Variants in CELF2 observed in about 807,000 individuals in gnomAD.
CELF2 encodes the protein CUG triplet repeat RNA-binding protein 2.
In CELF2, 8 loss-of-function variants were observed where a neutral mutation model predicts 62.6. The observed-to-expected ratio is 0.13, with a 90% CI of 0.07 to 0.23. CELF2 has a LOEUF of 0.23. Among genes scored for constraint, CELF2 ranks in the 10% least tolerant of loss-of-function variants. The pLI is 1.00. For synonymous variants in CELF2, 258 were observed against 250.0 expected (o/e 1.03, Z -0.30); for missense variants, 333 against 671.0 (o/e 0.50, Z 5.56).
intron 2 of CELF2, among the ~76,000 whole-genome samples, chr10:10,939,786 C>A (rs1033231824): frequency 6.6e-6 from 1 of 151,870 alleles, no homozygotes; most frequent in Non-Finnish European, 1.5e-5. Context: ...AACCCCATCT[C>A]TACTAAAAAT....
At chr10:10,602,358 G>A in the CELF2 span, among the ~76,000 whole-genome samples, 1 of 151,968 alleles carries the variant, frequency 6.6e-6, no homozygotes, top group Admixed American at 6.6e-5. Flanking sequence ...ACAAGTCTGG[G>A]GTCCTGACAT....
chr10:10,972,303 A>G lies in CELF2; in HGVS notation c.89+52304A>G, dbSNP rs1260404775. Among the ~76,000 whole-genome samples, 1 of 152,246 alleles carries G rather than the reference A, an allele frequency of 6.6e-6. No individual in the cohort carries two copies. Among genetic ancestry groups the G allele is most frequent in the East Asian group, 1.9e-4 (1 of 5,202 alleles). On this transcript the variant is annotated intron_variant, in intron 2 of 13. Coordinates refer to the CELF2 transcript ENST00000636488. The surrounding 1 kb of genome is among the most constrained non-coding windows in gnomAD (Gnocchi z 4.4). ...TGGTTAAATGATTTTAGGAAGCTCT[A>G]CATATCATCATCCCCTGTAAAAATT...
chr10:10,564,641 T>TACACAC, the CELF2 span, among the ~76,000 whole-genome samples: 131 of 136,242 alleles, frequency 9.6e-4, no homozygotes, highest in Middle Eastern at 7.1e-3. Flanking sequence ...GTTAACTGAA[T>TACACAC]ACACACACAC....
intron 1 of CELF2, among the ~76,000 whole-genome samples, chr10:11,133,084 T>G (rs1178235954): frequency 1.3e-5 from 2 of 152,200 alleles, no homozygotes; most frequent in Admixed American, 6.5e-5. Context: ...ACAGCTGTAG[T>G]ACATGTGTCC....
rs1424574371 is a variant in CELF2 at position 11,260,255 on chromosome 10, G to A, written c.538+2383G>A. ...TACCCTCTGCATGTGTTAGCGGAGA[G>A]ACCCCGGGCGGGCAGTATGTGTGCT... is the stretch of plus-strand genomic sequence containing the variant. On this transcript the variant is annotated intron_variant, in intron 5 of 12. Coordinates refer to ENST00000633077, the MANE Select transcript of CELF2 (RefSeq NM_001326342.2). This position sits in a 1 kb window ranked among gnomAD's most constrained non-coding sequence, Gnocchi z 4.2. 1.3e-5 allele frequency among the ~76,000 whole-genome samples: 2 copies of A among 152,196 alleles called. No homozygotes were observed. Among genetic ancestry groups the A allele is most frequent in the African/African-American group, 4.8e-5 (2 of 41,450 alleles).
intron 2 of CELF2, among the ~76,000 whole-genome samples, chr10:11,183,544 T>G (rs1258478078): frequency 6.6e-6 from 1 of 152,214 alleles, no homozygotes; most frequent in Non-Finnish European, 1.5e-5. Flanking sequence ...GATTGTACCA[T>G]TTTACATTCC....
At position 11,039,170 on chromosome 10, in the gene CELF2, G is replaced by A. The variant is rs554718032; in HGVS notation, c.74+21007G>A. Among the ~76,000 whole-genome samples, 50 of 152,194 alleles carry A rather than the reference G, an allele frequency of 3.3e-4. 1 individual carries two copies. Among genetic ancestry groups the A allele is most frequent in the Non-Finnish European group, 6.3e-4 (43 of 68,028 alleles). Reference sequence around the variant, plus strand: ...ATTAGCGTGGAGGACACTGAGAGCAGAAACCGTGATGCAGTGAGCCTTCTG... The same window carrying A: ...ATTAGCGTGGAGGACACTGAGAGCAAAAACCGTGATGCAGTGAGCCTTCTG... On this transcript the variant is annotated intron_variant, in intron 1 of 12. Transcript: ENST00000633077. The surrounding 1 kb of genome is among the most constrained non-coding windows in gnomAD (Gnocchi z 4.1).
At chr10:11,108,385 G>A (rs1221484636) in intron 1 of CELF2, among the ~76,000 whole-genome samples, 1 of 150,682 alleles carries the variant, frequency 6.6e-6, no homozygotes, top group Admixed American at 6.6e-5. Context: ...ACTGTCTTCA[G>A]AACTGCCTGT....
At chr10:11,230,041 A>G (rs138235452) in intron 3 of CELF2, among the ~76,000 whole-genome samples, 3 of 152,202 alleles carry the variant, frequency 2.0e-5, no homozygotes, top group Non-Finnish European at 4.4e-5. Flanking sequence ...ACAGGCACTG[A>G]CTCTGACCTG....
At position 11,010,403 on chromosome 10, in the gene CELF2, C is replaced by T. The variant is rs1353464830; in HGVS notation, c.53+4963C>T. 1.3e-5 allele frequency among the ~76,000 whole-genome samples: 2 copies of T among 152,194 alleles called. No individual in the cohort carries two copies. Among genetic ancestry groups the T allele is most frequent in the East Asian group, 3.9e-4 (2 of 5,194 alleles). On this transcript the variant is annotated intron_variant, in intron 1 of 12. Transcript: ENST00000416382. This position sits in a 1 kb window ranked among gnomAD's most constrained non-coding sequence, Gnocchi z 4.1. ...AATCGAATCAGTACTGGCCTTCTCT[C>T]TTCCTTTCCAACTGCCCGTTGTAGG...
At chr10:10,855,016 A>G (rs527302163) in intron 1 of CELF2, among the ~76,000 whole-genome samples, 1 of 152,224 alleles carries the variant, frequency 6.6e-6, no homozygotes, top group East Asian at 1.9e-4. Flanking sequence ...GTCAAAGTCA[A>G]TCTTCACCTG....
the CELF2 span, among the ~76,000 whole-genome samples, chr10:10,638,906 A>G: frequency 3.9e-5 from 6 of 152,158 alleles, no homozygotes; most frequent in African/African-American, 9.6e-5. Context: ...TAGAAATCTC[A>G]TTACAAAAGT....
chr10:11,186,296 C>CTTTTTTTTTTTTTTTTT (rs57327671), intron 2 of CELF2, among the ~76,000 whole-genome samples: 8 of 115,492 alleles, frequency 6.9e-5, no homozygotes, highest in South Asian at 3.0e-4. Flanking sequence ...GGTTTTGTTG[C>CTTTTTTTTTTTTTTTTT]TTTTTTTTTT....
intron 1 of CELF2, among the ~76,000 whole-genome samples, chr10:11,062,149 G>A (rs957300721): frequency 2.7e-5 from 4 of 149,970 alleles, no homozygotes; most frequent in African/African-American, 9.7e-5. Flanking sequence ...TACTGCTCAG[G>A]GGGGGAAAAA....
At chr10:11,188,949 T>C (rs2075671247) in intron 2 of CELF2, among the ~76,000 whole-genome samples, 2 of 152,234 alleles carry the variant, frequency 1.3e-5, no homozygotes, top group South Asian at 4.1e-4. Context: ...TAGTTTTTAA[T>C]CTCTAGAAGT....
the CELF2 span, among the ~76,000 whole-genome samples, chr10:10,637,429 T>C: frequency 6.6e-6 from 1 of 152,162 alleles, no homozygotes; most frequent in Non-Finnish European, 1.5e-5. Context: ...CCAGACAGAA[T>C]TACATCTTGC....
At chr10:11,256,970 G>A (rs989353468) in intron 4 of CELF2, among the ~76,000 whole-genome samples, 3 of 152,120 alleles carry the variant, frequency 2.0e-5, no homozygotes, top group South Asian at 2.1e-4. Flanking sequence ...GTGAAGGGCT[G>A]GAAGCTCGGG....
intron 1 of CELF2, among the ~76,000 whole-genome samples, chr10:10,873,965 C>G (rs2060921066): frequency 6.6e-6 from 1 of 152,164 alleles, no homozygotes; most frequent in South Asian, 2.1e-4. Flanking sequence ...AACTTAGTCT[C>G]TGTATTTGCC....
In CELF2 at chr10:10,804,747, G is replaced by A. The variant is rs557825627; in HGVS notation, c.53+5930G>A. 2.4e-3 allele frequency among the ~76,000 whole-genome samples: 364 copies of A among 152,296 alleles called. 1 individual carries two copies. Among genetic ancestry groups the A allele is most frequent in the African/African-American group, 8.3e-3 (346 of 41,576 alleles). Reference sequence around the variant, plus strand: ...TGATGGGAAACATAGAACAGACCCCGAAATGTTGTAAGTCACTGCTTGGCC... The same window carrying A: ...TGATGGGAAACATAGAACAGACCCCAAAATGTTGTAAGTCACTGCTTGGCC... On this transcript the variant is annotated intron_variant, in intron 1 of 13. Transcript: ENST00000636488.
Sources: allele counts gnomAD v4.1 joint callset (sites outside exome capture counted in the v4.1 genomes callset), GRCh38; gene constraint gnomAD v4.1.1; non-coding constraint Gnocchi (gnomAD v3.1); transcripts MANE v1.5; gene names NCBI Gene and HGNC (gene_info 2026-07-23, HGNC 2026-07-21).